RAP1B: variants seen among roughly 807,000 people sequenced by gnomAD.
RAP1B encodes the protein RAP1B, member of RAS oncogene family.
A neutral mutation model predicts 27.5 loss-of-function variants in RAP1B; 1 was observed. The ratio of observed to expected loss-of-function variants is 0.04; its 90% CI spans 0.01 to 0.17. The LOEUF is 0.17. Among genes scored for constraint, RAP1B ranks in the 10% least tolerant of loss-of-function variants. The pLI is 1.00. For synonymous variants in RAP1B, 75 were observed against 73.1 expected (o/e 1.03, Z -0.13); for missense variants, 84 against 214.8 (o/e 0.39, Z 3.81).
chr12:68,645,031 A>G (rs1240801853), intron 1 of RAP1B, among the ~76,000 whole-genome samples: 2 of 152,136 alleles, frequency 1.3e-5, no homozygotes, highest in South Asian at 2.1e-4. Context: ...AGTATGTGCA[A>G]GGTGTTGTGT....
chr12:68,646,334 C>T (rs1350623088), intron 1 of RAP1B, among the ~76,000 whole-genome samples: 2 of 151,528 alleles, frequency 1.3e-5, no homozygotes, highest in African/African-American at 2.4e-5. Flanking sequence ...GTTGCAGTCT[C>T]ACCGGGGCTG....
chr12:68,636,573 A>T (rs1872645279), intron 1 of RAP1B, among the ~76,000 whole-genome samples: 1 of 152,192 alleles, frequency 6.6e-6, no homozygotes, highest in Non-Finnish European at 1.5e-5. Flanking sequence ...GACTCTAGGC[A>T]TGTACCACCA....
chr12:68,610,969 C>T lies in RAP1B; in HGVS notation c.-101C>T, dbSNP rs549144703. ...AGCGGCGCGGCAGCGGCAGGACCGC[C>T]GTGGCGCCTAGAGTAGCGACCCGGG... On this transcript the variant is annotated 5_prime_UTR_variant, in exon 1 of 8. Coordinates refer to ENST00000250559, the MANE Select transcript of RAP1B (RefSeq NM_001010942.3). The T allele has an allele frequency of 6.4e-5, 20 of 312,428 alleles. No individual in the cohort carries two copies. The highest frequency in any genetic ancestry group is 5.4e-4 in the East Asian group (12 of 22,058). The allele number at this position is 312,428 out of a possible 1,614,324, so 19.4% of individuals were successfully genotyped here.
At chr12:68,644,366 G>A (rs1026903047) in intron 1 of RAP1B, among the ~76,000 whole-genome samples, 20 of 152,174 alleles carry the variant, frequency 1.3e-4, no homozygotes, top group East Asian at 7.8e-4. Flanking sequence ...CAAGGCGGGC[G>A]GATCAGGAGA....
At chr12:68,656,013 G>A (rs190931586) in intron 5 of RAP1B, among the ~76,000 whole-genome samples, 1 of 152,188 alleles carries the variant, frequency 6.6e-6, no homozygotes, top group African/African-American at 2.4e-5. Flanking sequence ...TGACTAGGTT[G>A]TGTTCATTTT....
intron 7 of RAP1B, among the ~76,000 whole-genome samples, chr12:68,659,073 T>C (rs535323388): frequency 6.6e-6 from 1 of 152,326 alleles, no homozygotes; most frequent in South Asian, 2.1e-4. Context: ...TAACTGACTT[T>C]CAAGAGGGCA....
intron 1 of RAP1B, among the ~76,000 whole-genome samples, chr12:68,632,731 C>T (rs932442080): frequency 6.6e-6 from 1 of 151,840 alleles, no homozygotes; most frequent in Admixed American, 6.6e-5. Context: ...GTGTCTATTG[C>T]TAGAGAAATT....
chr12:68,662,069 A>G lies in RAP1B; in HGVS notation c.*2820A>G, dbSNP rs1032179960. On this transcript the variant is annotated 3_prime_UTR_variant, in exon 8 of 8. Transcript: ENST00000250559. ...ACATATATAGAGAGAGTATATATAT[A>G]TATGTAGTACAGTGGAGGTCTATAT... is the stretch of plus-strand genomic sequence containing the variant. 2 of 147,796 alleles carry G rather than the reference A, an allele frequency of 1.4e-5. No individual in the cohort carries two copies. The highest frequency in any genetic ancestry group is 6.8e-5 in the Admixed American group (1 of 14,716). The allele number at this position is 147,796 out of a possible 1,614,324, so 9.2% of individuals were successfully genotyped here.
chr12:68,637,628 A>AAAAAAAAAAC (rs1872722479), intron 1 of RAP1B, among the ~76,000 whole-genome samples: 1 of 131,750 alleles, frequency 7.6e-6, no homozygotes, highest in Non-Finnish European at 1.7e-5. Flanking sequence ...AAAAAAAAAA[A>AAAAAAAAAAC]CAAGATGCCA....
At chr12:68,635,901 C>T (rs895837354) in intron 1 of RAP1B, among the ~76,000 whole-genome samples, 3 of 151,328 alleles carry the variant, frequency 2.0e-5, no homozygotes, top group Admixed American at 6.6e-5. Flanking sequence ...TTTTTTGTTA[C>T]GAAGTCTTGC....
chr12:68,646,430 G>A (rs1873414679), intron 1 of RAP1B, among the ~76,000 whole-genome samples: 1 of 152,006 alleles, frequency 6.6e-6, no homozygotes, highest in South Asian at 2.1e-4. Context: ...CGAGTAGCTG[G>A]GATTACATGT....
At chr12:68,632,987 T>A (rs956108514) in intron 1 of RAP1B, among the ~76,000 whole-genome samples, 26 of 152,224 alleles carry the variant, frequency 1.7e-4, no homozygotes, top group African/African-American at 6.3e-4. Context: ...GCGATTTTTA[T>A]ATGTTATGGT....
chr12:68,652,023 T>C lies in RAP1B; in HGVS notation c.155T>C (p.Met52Thr). 6.2e-7 allele frequency: 1 copy of C among 1,613,364 alleles called. No individual in the cohort carries two copies. Among genetic ancestry groups the C allele is most frequent in the Non-Finnish European group, 8.5e-7 (1 of 1,179,414 alleles). The change falls in exon 4 of 8, where the codon ATG (methionine) becomes ACG (threonine). Residue 52 changes from methionine to threonine, a missense_variant. Transcript: ENST00000250559. ...KQVEVDAQQC[M>T]LEILDTAGTE... ...GTTGAAGTAGATGCACAACAGTGTATGCTTGAAATCTTGGATACTGCAGGA... is the reference window on the plus strand; with the variant it reads ...GTTGAAGTAGATGCACAACAGTGTACGCTTGAAATCTTGGATACTGCAGGA...
intron 4 of RAP1B, 64 bp from the exon 5 acceptor site, chr12:68,654,048 G>A: frequency 7.1e-7 from 1 of 1,405,690 alleles, no homozygotes; most frequent in Non-Finnish European, 1.0e-6. Context: ...TATAGACTGT[G>A]AAAATTGTAA....
intron 1 of RAP1B, among the ~76,000 whole-genome samples, chr12:68,613,478 C>T (rs1870765035): frequency 6.6e-6 from 1 of 151,628 alleles, no homozygotes; most frequent in South Asian, 2.1e-4. Flanking sequence ...TGAAAGTCAT[C>T]TCTCTTACCT....
chr12:68,657,070 T>C (rs1476557666), intron 6 of RAP1B, 31 bp from the exon 7 acceptor site: 7 of 1,572,754 alleles, frequency 4.5e-6, no homozygotes, highest in Non-Finnish European at 5.2e-6. Context: ...GTGTTCCTCC[T>C]GTAAATTAAA....
At chr12:68,632,138 T>G (rs7302766) in intron 1 of RAP1B, among the ~76,000 whole-genome samples, 1,545 of 134,434 alleles carry the variant, frequency 0.011, 28 homozygotes, top group Middle Eastern at 0.042. Flanking sequence ...TGTTTTTTTT[T>G]TTTTTTTGTT....
Position 68,665,487 on chromosome 12 carries a change from A to G in RAP1B, c.*6238A>G, listed in dbSNP as rs533336606. ...TAATAAAAAGGAAAGCCTGGCCTAA[A>G]CAGTCTTGGGATGGGGAGAAGGGTT... On this transcript the variant is annotated 3_prime_UTR_variant, in exon 8 of 8. Transcript: ENST00000250559. 1 of 152,330 alleles carries G rather than the reference A, an allele frequency of 6.6e-6. No individual in the cohort carries two copies. The highest frequency in any genetic ancestry group is 2.1e-4 in the South Asian group (1 of 4,828). The allele number at this position is 152,330 out of a possible 1,614,324, so 9.4% of individuals were successfully genotyped here.
chr12:68,645,039 T>G (rs1260766621), intron 1 of RAP1B, among the ~76,000 whole-genome samples: 2 of 152,208 alleles, frequency 1.3e-5, no homozygotes, highest in African/African-American at 4.8e-5. Context: ...CAAGGTGTTG[T>G]GTCAGTGACT....
Sources: gnomAD v4.1 joint callset for allele counts (sites outside exome capture counted in the v4.1 genomes callset) on GRCh38, gnomAD v4.1.1 for gene constraint, MANE v1.5 for transcripts, NCBI Gene and HGNC (gene_info 2026-07-23, HGNC 2026-07-21) for gene names.